Variants in HSP90AA1 observed in about 807,000 individuals in gnomAD.
The protein encoded by HSP90AA1 is heat shock protein 90 alpha family class A member 1, also known as heat shock protein HSP 90-alpha.
In HSP90AA1, 18 loss-of-function variants were observed where a neutral mutation model predicts 73.3. The ratio of observed to expected loss-of-function variants is 0.25; its 90% CI spans 0.17 to 0.36. The LOEUF (loss-of-function observed/expected upper bound fraction) is 0.36, where lower values mean the gene tolerates loss of function less well. Ranked by LOEUF, HSP90AA1 falls within the 10% of genes least tolerant of loss-of-function variation. HSP90AA1 has a pLI of 1.00. For missense variants in HSP90AA1, 704 were observed against 874.2 expected (o/e 0.81, Z 2.45); for synonymous variants, 477 against 296.9 (o/e 1.61, Z -6.24).
Position 102,084,193 on chromosome 14 carries a change from C to T in HSP90AA1, c.1147+206G>A, listed in dbSNP as rs963437747. On this transcript the variant is annotated intron_variant, in intron 6 of 10. Coordinates refer to ENST00000216281, the MANE Select transcript of HSP90AA1 (RefSeq NM_005348.4). ...GGTTCAAGCTGTTTTCATGCCTCAG[C>T]CTGCCACTACATGGGGCTAATTTTT... 32 of 673,160 alleles carry T rather than the reference C, an allele frequency of 4.8e-5. No homozygotes were observed. In the African/African-American group the frequency reaches 5.8e-4, roughly 12 times the overall value. 41.7% of individuals were successfully genotyped at this position (673,160 alleles called of 1,614,324 possible). A position where few individuals can be genotyped will look rare whatever the true frequency, so the allele number is the denominator to read the frequency against.
chr14:102,124,161 TAG>T (rs1411753520), intron 1 of HSP90AA1, among the ~76,000 whole-genome samples: 1 of 151,582 alleles, frequency 6.6e-6, no homozygotes, highest in African/African-American at 2.4e-5. Context: ...ACAGAGAAAG[TAG>T]AGACAGTTAT....
intron 1 of HSP90AA1, among the ~76,000 whole-genome samples, chr14:102,136,939 C>T (rs1250419538): frequency 1.3e-5 from 2 of 150,914 alleles, no homozygotes; most frequent in East Asian, 2.0e-4. Flanking sequence ...TGAGGCCGGG[C>T]GCGGTGGCTC....
At chr14:102,084,603 G>GC in intron 5 of HSP90AA1, 39 bp from the exon 6 acceptor site, 2 of 1,614,128 alleles carry the variant, frequency 1.2e-6, no homozygotes, top group Non-Finnish European at 1.7e-6. Flanking sequence ...AATGAACAAT[G>GC]CATTATAGAA....
At position 102,083,865 on chromosome 14, in the gene HSP90AA1, T is replaced by A; in HGVS notation, c.1266A>T (p.Glu422Asp). The change falls in exon 7 of 11, where the codon GAA becomes GAT. Residue 422 changes from glutamate (E) to aspartate (D), a missense_variant. Transcript: ENST00000216281. Reference protein sequence around the residue: ...IRKNLVKKCLELFTELAEDKE... With the variant: ...IRKNLVKKCLDLFTELAEDKE... ...TATCTTCCGCCAGTTCAGTAAAGAGTTCTAAGCATTTTTTGACCAAATTCT... is the reference window on the plus strand; with the variant it reads ...TATCTTCCGCCAGTTCAGTAAAGAGATCTAAGCATTTTTTGACCAAATTCT... 6.2e-7 allele frequency: 1 copy of A among 1,614,008 alleles called. No individual in the cohort carries two copies. Among genetic ancestry groups the A allele is most frequent in the South Asian group, 1.1e-5 (1 of 91,074 alleles).
intron 1 of HSP90AA1, among the ~76,000 whole-genome samples, chr14:102,138,174 G>A (rs1325044280): frequency 6.6e-6 from 1 of 151,516 alleles, no homozygotes; most frequent in African/African-American, 2.4e-5. Context: ...GTTAATTGAA[G>A]AATAATACAA....
At chr14:102,114,241 G>A (rs1291935213) in intron 1 of HSP90AA1, among the ~76,000 whole-genome samples, 4 of 151,940 alleles carry the variant, frequency 2.6e-5, no homozygotes, top group Non-Finnish European at 5.9e-5. Context: ...CGCCCACCTC[G>A]GCCTCCCAAA....
rs758204285 is a variant in HSP90AA1 at position 102,084,000 on chromosome 14, C to A, written c.1148-17G>T. On this transcript the variant is annotated splice_polypyrimidine_tract_variant and intron_variant, in intron 6 of 10. Coordinates refer to ENST00000216281, the MANE Select transcript of HSP90AA1 (RefSeq NM_005348.4). ...TAATGAAGTCTGAAAAAAATATAAA[C>A]CAAATGCACTGAGTCATTCCAAGGA... The A allele has an allele frequency of 3.8e-6, 6 of 1,588,010 alleles. No homozygotes were observed. Among genetic ancestry groups the A allele is most frequent in the Non-Finnish European group, 5.2e-6 (6 of 1,156,500 alleles).
upstream of HSP90AA1, chr14:102,139,741 T>G: frequency 2.2e-6 from 2 of 908,630 alleles, no homozygotes; most frequent in South Asian, 3.4e-5. Context: ...TGAGCACGCC[T>G]GCGCAGTCGG....
At chr14:102,111,149 C>T (rs527772567) in intron 1 of HSP90AA1, among the ~76,000 whole-genome samples, 86 of 152,320 alleles carry the variant, frequency 5.6e-4, no homozygotes, top group African/African-American at 1.9e-3. Context: ...GCTTAAGTAA[C>T]GAGGAGCTGA....
At chr14:102,135,981 G>T (rs1016118732) in intron 1 of HSP90AA1, among the ~76,000 whole-genome samples, 1 of 152,246 alleles carries the variant, frequency 6.6e-6, no homozygotes, top group African/African-American at 2.4e-5. Flanking sequence ...GGGGCTGAAG[G>T]GCTCCTCAAA....
At chr14:102,085,572 C>T in intron 3 of HSP90AA1, 141 bp from the exon 4 acceptor site, 1 of 1,188,352 alleles carries the variant, frequency 8.4e-7, no homozygotes, top group Non-Finnish European at 1.2e-6. Flanking sequence ...ACCTTTTGGG[C>T]AAGGTGCCTC....
upstream of HSP90AA1, among the ~76,000 whole-genome samples, chr14:102,089,771 T>C (rs1595663216): frequency 6.6e-6 from 1 of 152,018 alleles, no homozygotes; most frequent in African/African-American, 2.4e-5. Flanking sequence ...ACCCCAAGCA[T>C]CCCCACAACG....
rs908706647 is a variant in HSP90AA1, at chr14:102,109,942, A to AT, written c.156-7858dup. On this transcript the variant is annotated intron_variant, in intron 1 of 11. Coordinates refer to the HSP90AA1 transcript ENST00000334701. ...TGGAGCAAAGGTGACTCGTTATTTT[A>AT]TTTTTTTTTGAGATGGAGTCCTGCT... is the stretch of plus-strand genomic sequence containing the variant. 4.0e-3 allele frequency among the ~76,000 whole-genome samples: 602 copies of AT among 151,168 alleles called. 4 individuals carry two copies. The highest frequency in any genetic ancestry group is 9.9e-3 in the African/African-American group (409 of 41,258).
intron 1 of HSP90AA1, among the ~76,000 whole-genome samples, chr14:102,117,973 T>C (rs895069139): frequency 1.3e-5 from 2 of 152,168 alleles, no homozygotes; most frequent in African/African-American, 4.8e-5. Context: ...GCTGCAGCCT[T>C]GTAGAGAGCC....
chr14:102,096,435 A>C (rs78783145), intron 2 of HSP90AA1, among the ~76,000 whole-genome samples: 25 of 152,272 alleles, frequency 1.6e-4, no homozygotes, highest in African/African-American at 4.8e-4. Context: ...CAGCAGCCCA[A>C]GGGTCTACGG....
intron 1 of HSP90AA1, among the ~76,000 whole-genome samples, chr14:102,122,533 G>A (rs1231636683): frequency 2.0e-5 from 3 of 151,544 alleles, no homozygotes; most frequent in African/African-American, 4.9e-5. Context: ...CACCTGCCTC[G>A]GCCTCCCAAA....
At chr14:102,117,857 T>G (rs1470608916) in intron 1 of HSP90AA1, among the ~76,000 whole-genome samples, 3 of 152,160 alleles carry the variant, frequency 2.0e-5, no homozygotes, top group African/African-American at 4.8e-5. Context: ...GCCAGGGTTT[T>G]GAGTCTCTCT....
chr14:102,137,418 C>A (rs561981903), intron 1 of HSP90AA1, among the ~76,000 whole-genome samples: 1 of 151,746 alleles, frequency 6.6e-6, no homozygotes, highest in East Asian at 2.0e-4. Context: ...CTCCACCTCC[C>A]GGGTTCAAGC....
intron 1 of HSP90AA1, among the ~76,000 whole-genome samples, chr14:102,120,062 C>T (rs2049756777): frequency 1.3e-5 from 2 of 152,156 alleles, no homozygotes; most frequent in East Asian, 1.9e-4. Flanking sequence ...TATAGGGCTA[C>T]TTAGTTTTAT....
Sources: allele counts gnomAD v4.1 joint callset (sites outside exome capture counted in the v4.1 genomes callset), GRCh38; gene constraint gnomAD v4.1.1; transcripts MANE v1.5; gene names NCBI Gene and HGNC (gene_info 2026-07-23, HGNC 2026-07-21).